ADGRV1: variants seen among roughly 807,000 people sequenced by gnomAD.
ADGRV1 encodes adhesion G protein-coupled receptor V1.
A neutral mutation model predicts 596.2 loss-of-function variants in ADGRV1; 359 were observed. That is an observed-to-expected ratio of 0.60 (90% confidence interval 0.55 to 0.66). ADGRV1 has a LOEUF of 0.66. ADGRV1 is among the 30% of genes least tolerant of loss of function. ADGRV1 has a pLI of 0.00. For missense variants in ADGRV1, 7,274 were observed against 7,575.6 expected, an observed-to-expected ratio of 0.96 and a Z score of 1.48; for synonymous variants, 2,681 against 2,679.2, an observed-to-expected ratio of 1.00 and a Z score of -0.02.
In ADGRV1 at chr5:90,716,672, T is replaced by G. The variant is rs1750147730; in HGVS notation, c.9390T>G (p.Ser3130=). The change falls in exon 43 of 90, where the codon TCT becomes TCG. Residue 3130 remains serine (S), a synonymous_variant. Coordinates refer to ENST00000405460, the MANE Select transcript of ADGRV1 (RefSeq NM_032119.4). ...IVTEVNSSNE[S]KDLTPSKGYI... is the part of the protein sequence containing the mutation. ...CAGAAGTGAATTCCTCAAATGAATCTAAAGATCTGACTCCTTCCAAAGGCT... is the reference window on the plus strand; with the variant it reads ...CAGAAGTGAATTCCTCAAATGAATCGAAAGATCTGACTCCTTCCAAAGGCT... 6.2e-7 allele frequency: 1 copy of G among 1,612,936 alleles called. No individual in the cohort carries two copies. The highest frequency in any genetic ancestry group is 8.5e-7 in the Non-Finnish European group (1 of 1,178,936).
intron 48 of ADGRV1, 89 bp from the exon 49 acceptor site, chr5:90,728,580 C>T: frequency 9.3e-7 from 1 of 1,076,186 alleles, no homozygotes; most frequent in Non-Finnish European, 1.4e-6. Context: ...TAAAAGGATC[C>T]AAGAGAGTAA....
intron 37 of ADGRV1, among the ~76,000 whole-genome samples, chr5:90,705,864 C>G (rs1365581965): frequency 6.6e-6 from 1 of 152,174 alleles, no homozygotes; most frequent in Non-Finnish European, 1.5e-5. Flanking sequence ...ATGGGTGGCT[C>G]TATTCCATAT....
intron 1 of ADGRV1, among the ~76,000 whole-genome samples, chr5:90,586,789 C>T (rs377318737): frequency 1.2e-4 from 19 of 152,282 alleles, no homozygotes; most frequent in African/African-American, 4.3e-4. Flanking sequence ...TGTTAAGTTT[C>T]CCATTATCTT....
At chr5:90,938,494 C>T (rs186059343) in intron 83 of ADGRV1, among the ~76,000 whole-genome samples, 4 of 152,244 alleles carry the variant, frequency 2.6e-5, no homozygotes, top group Non-Finnish European at 5.9e-5. Flanking sequence ...AAAGATATTA[C>T]TTAAAGACTT....
Position 90,615,022 on chromosome 5 carries a change from A to G in ADGRV1, c.207+3A>G, listed in dbSNP as rs142356935. 2.4e-4 allele frequency: 343 copies of G among 1,411,216 alleles called. 1 individual carries two copies. In the African/African-American group the frequency reaches 3.8e-3, roughly 16 times the overall value. 87.4% of individuals were successfully genotyped at this position (1,411,216 alleles called of 1,614,324 possible). On this transcript the variant is annotated splice_donor_region_variant and intron_variant, in intron 2 of 89. Transcript: ENST00000405460. Reference sequence around the variant, plus strand: ...CAAATGTTACTGCAATTGTATCGGTAAGAAATTATTATAGCTCTATTTTTA... The same window carrying G: ...CAAATGTTACTGCAATTGTATCGGTGAGAAATTATTATAGCTCTATTTTTA...
At chr5:91,101,487 A>G (rs957943214) in intron 86 of ADGRV1, among the ~76,000 whole-genome samples, 1 of 152,174 alleles carries the variant, frequency 6.6e-6, no homozygotes, top group Non-Finnish European at 1.5e-5. Flanking sequence ...TCTAAATCTT[A>G]TATAACTTGT....
At chr5:91,031,137 C>G (rs1375126753) in intron 85 of ADGRV1, 4 of 1,350,050 alleles carry the variant, frequency 3.0e-6, no homozygotes, top group Non-Finnish European at 4.2e-6. Context: ...ACAGAAACAT[C>G]TGTAAGTAAG....
chr5:90,772,962 G>GT (rs1757847473), intron 59 of ADGRV1, among the ~76,000 whole-genome samples: 1 of 152,128 alleles, frequency 6.6e-6, no homozygotes, highest in Non-Finnish European at 1.5e-5. Flanking sequence ...GAGGACAGGA[G>GT]TTTGAGACCA....
At chr5:90,961,532 A>G (rs1778032342) in intron 83 of ADGRV1, among the ~76,000 whole-genome samples, 1 of 146,096 alleles carries the variant, frequency 6.8e-6, no homozygotes, top group South Asian at 2.2e-4. Flanking sequence ...CATTTCAAGA[A>G]TAATTTTATA....
chr5:90,667,895 G>GA (rs1406658403), intron 21 of ADGRV1, among the ~76,000 whole-genome samples: 2 of 152,004 alleles, frequency 1.3e-5, no homozygotes, highest in African/African-American at 4.8e-5. Context: ...TGCCCCTGTT[G>GA]GGGGGTGCCT....
At chr5:90,881,248 G>A (rs763119484) in intron 83 of ADGRV1, among the ~76,000 whole-genome samples, 2 of 152,098 alleles carry the variant, frequency 1.3e-5, no homozygotes, top group African/African-American at 2.4e-5. Flanking sequence ...TGAATGATGC[G>A]TTCCAGGAAG....
At chr5:91,153,441 GC>G (rs1781817640) in intron 89 of ADGRV1, 43 bp downstream of exon 89, 2 of 1,375,454 alleles carry the variant, frequency 1.5e-6, no homozygotes, top group Admixed American at 4.6e-5. Context: ...AGGCACTCTT[GC>G]TATGTTACAA....
intron 17 of ADGRV1, among the ~76,000 whole-genome samples, chr5:90,649,227 C>T (rs544957035): frequency 1.3e-5 from 2 of 152,176 alleles, no homozygotes; most frequent in African/African-American, 4.8e-5. Context: ...TGGTCTTGAT[C>T]TCTTGACCTT....
intron 5 of ADGRV1, 100 bp from the exon 6 acceptor site, chr5:90,625,030 C>G: frequency 2.4e-5 from 17 of 695,522 alleles, no homozygotes. Flanking sequence ...TGCAGAACAT[C>G]TTTAAACTTC....
At chr5:90,902,554 T>C (rs1467841188) in intron 83 of ADGRV1, among the ~76,000 whole-genome samples, 1 of 152,166 alleles carries the variant, frequency 6.6e-6, no homozygotes, top group Non-Finnish European at 1.5e-5. Context: ...CGTGTTTCAA[T>C]ATATGCGCAT....
intron 10 of ADGRV1, 80 bp from the exon 11 acceptor site, chr5:90,637,645 A>G (rs1437520254): frequency 2.9e-5 from 29 of 1,006,612 alleles, no homozygotes; most frequent in Admixed American, 1.7e-4. Context: ...ATATGTACAA[A>G]CTAATATCAA....
intron 11 of ADGRV1, among the ~76,000 whole-genome samples, chr5:90,638,753 T>C (rs1238793131): frequency 1.3e-5 from 2 of 152,148 alleles, no homozygotes; most frequent in Non-Finnish European, 2.9e-5. Flanking sequence ...TCAAGGGACA[T>C]TTTGTGTTAC....
At chr5:90,842,811 C>T (rs181575267) in intron 78 of ADGRV1, among the ~76,000 whole-genome samples, 1 of 152,222 alleles carries the variant, frequency 6.6e-6, no homozygotes, top group African/African-American at 2.4e-5. Flanking sequence ...CTTCTTTGCT[C>T]TGGTTATTTT....
At chr5:90,600,914 AC>A (rs1228381784) in intron 1 of ADGRV1, among the ~76,000 whole-genome samples, 2 of 152,240 alleles carry the variant, frequency 1.3e-5, no homozygotes, top group East Asian at 3.8e-4. Context: ...CATTAAAAAA[AC>A]ATTCAAAATA....
Sources: allele counts gnomAD v4.1 joint callset (sites outside exome capture counted in the v4.1 genomes callset), GRCh38; gene constraint gnomAD v4.1.1; transcripts MANE v1.5; gene names NCBI Gene and HGNC (gene_info 2026-07-23, HGNC 2026-07-21).